The following SSBP3 variants were observed in gnomAD, a reference collection of about 807,000 sequenced individuals.
SSBP3 encodes the protein single stranded DNA binding protein 3, also known as single-stranded DNA-binding protein 3.
A neutral mutation model predicts 69.6 loss-of-function variants in SSBP3; 5 were observed. The ratio of observed to expected loss-of-function variants is 0.07; its 90% confidence interval spans 0.04 to 0.15. SSBP3 has a LOEUF of 0.15. SSBP3 is among the 10% of genes least tolerant of loss of function. SSBP3 has a pLI of 1.00. For missense variants in SSBP3, 312 were observed against 534.0 expected, an observed-to-expected ratio of 0.58 and a Z score of 4.10; for synonymous variants, 196 against 193.4, an observed-to-expected ratio of 1.01 and a Z score of -0.11.
chr1:54,382,613 C>T (rs889405249), intron 4 of SSBP3, among the ~76,000 whole-genome samples: 1 of 152,128 alleles, frequency 6.6e-6, no homozygotes, highest in African/African-American at 2.4e-5. Flanking sequence ...ACTATTAGGA[C>T]AATTTTAGCA....
intron 10 of SSBP3, 145 bp from the exon 11 acceptor site, chr1:54,242,357 G>T: frequency 1.3e-6 from 1 of 765,972 alleles, no homozygotes. Context: ...TCTGGCTCAG[G>T]GCAGTAATGG....
chr1:54,316,935 T>TAA (rs1159582673), intron 4 of SSBP3, among the ~76,000 whole-genome samples: 2 of 152,092 alleles, frequency 1.3e-5, no homozygotes, highest in Non-Finnish European at 2.9e-5. Context: ...CCCTTCAGCC[T>TAA]CTTTTAGGAG....
intron 4 of SSBP3, among the ~76,000 whole-genome samples, chr1:54,357,608 C>T (rs2100614413): frequency 6.6e-6 from 1 of 152,340 alleles, no homozygotes; most frequent in African/African-American, 2.4e-5. Flanking sequence ...GAATTAAAGT[C>T]CTAATGTCCT....
At chr1:54,252,760 G>A (rs1167678217) in intron 7 of SSBP3, among the ~76,000 whole-genome samples, 1 of 152,280 alleles carries the variant, frequency 6.6e-6, no homozygotes, top group Non-Finnish European at 1.5e-5. Flanking sequence ...AAGAGAGTAG[G>A]AGTTGCTGGG....
At chr1:54,400,351 G>C (rs1285317637) in intron 4 of SSBP3, among the ~76,000 whole-genome samples, 1 of 148,868 alleles carries the variant, frequency 6.7e-6, no homozygotes, top group Admixed American at 6.7e-5. Flanking sequence ...AACAGTGTTG[G>C]CTGTTCACAG....
intron 4 of SSBP3, among the ~76,000 whole-genome samples, chr1:54,345,406 C>A (rs1646673237): frequency 6.6e-6 from 1 of 152,084 alleles, no homozygotes; most frequent in Non-Finnish European, 1.5e-5. Flanking sequence ...CCCTCCCATC[C>A]AGGGAAAAGA....
intron 4 of SSBP3, among the ~76,000 whole-genome samples, chr1:54,352,982 A>T (rs1646805378): frequency 6.6e-6 from 1 of 152,204 alleles, no homozygotes; most frequent in Non-Finnish European, 1.5e-5. Context: ...GGCAAACCCG[A>T]GAACTGCAGG....
intron 4 of SSBP3, among the ~76,000 whole-genome samples, chr1:54,381,668 G>C (rs889686631): frequency 1.3e-5 from 2 of 152,102 alleles, no homozygotes; most frequent in Non-Finnish European, 2.9e-5. Flanking sequence ...ACCCACGCTG[G>C]GACCACAAAG....
chr1:54,337,727 C>T (rs1399206500), intron 4 of SSBP3, among the ~76,000 whole-genome samples: 1 of 151,948 alleles, frequency 6.6e-6, no homozygotes, highest in Non-Finnish European at 1.5e-5. Flanking sequence ...AACTCCTGAC[C>T]TCAGGTGATC....
chr1:54,278,318 T>A (rs905125458), intron 5 of SSBP3, among the ~76,000 whole-genome samples: 1 of 148,144 alleles, frequency 6.8e-6, no homozygotes, highest in Admixed American at 7.0e-5. Flanking sequence ...GGGATGCCAA[T>A]ATTAGGGCTT....
chr1:54,370,683 A>G (rs938410863), intron 4 of SSBP3, among the ~76,000 whole-genome samples: 10 of 152,070 alleles, frequency 6.6e-5, no homozygotes, highest in Non-Finnish European at 2.9e-5. Flanking sequence ...CATACAGGAG[A>G]TTGTTCTACA....
intron 4 of SSBP3, among the ~76,000 whole-genome samples, chr1:54,294,335 A>G (rs936040374): frequency 1.3e-5 from 2 of 151,880 alleles, no homozygotes; most frequent in Admixed American, 1.3e-4. Flanking sequence ...AAATAACAAC[A>G]AACAAAACAC....
chr1:54,240,047 G>GGTGTGTGTGTGTGT (rs71066910), intron 13 of SSBP3, among the ~76,000 whole-genome samples: 325 of 77,614 alleles, frequency 4.2e-3, no homozygotes, highest in Admixed American at 7.7e-3. Context: ...ATTGTGATGG[G>GGTGTGTGTGTGTGT]GTGTGTGTGT....
chr1:54,317,066 T>C (rs1420301174), intron 4 of SSBP3, among the ~76,000 whole-genome samples: 1 of 152,110 alleles, frequency 6.6e-6, no homozygotes, highest in Non-Finnish European at 1.5e-5. Context: ...TTGGGGAGAC[T>C]CAGTATTCAG....
intron 4 of SSBP3, among the ~76,000 whole-genome samples, chr1:54,303,949 A>G (rs1645849750): frequency 6.6e-6 from 1 of 152,206 alleles, no homozygotes; most frequent in Non-Finnish European, 1.5e-5. Flanking sequence ...GGCCCTCAGT[A>G]CATTTCTACC....
chr1:54,288,136 G>A (rs761473963), intron 4 of SSBP3, among the ~76,000 whole-genome samples: 5 of 152,138 alleles, frequency 3.3e-5, no homozygotes, highest in Non-Finnish European at 7.3e-5. Context: ...GCTCCCAGCG[G>A]AGACATGGCA....
intron 4 of SSBP3, among the ~76,000 whole-genome samples, chr1:54,312,030 C>T (rs1015741609): frequency 6.6e-6 from 1 of 152,198 alleles, no homozygotes; most frequent in Non-Finnish European, 1.5e-5. Flanking sequence ...CAGCACATAG[C>T]ACCAGCTCTG....
At chr1:54,260,576 T>TAGAA (rs1645000683) in intron 5 of SSBP3, among the ~76,000 whole-genome samples, 2 of 152,250 alleles carry the variant, frequency 1.3e-5, no homozygotes, top group African/African-American at 4.8e-5. Context: ...GTGCCTCCTC[T>TAGAA]GCGCCTCCCT....
chr1:54,289,180 G>T (rs188037020), intron 4 of SSBP3, among the ~76,000 whole-genome samples: 6 of 152,102 alleles, frequency 3.9e-5, no homozygotes, highest in Admixed American at 3.9e-4. Flanking sequence ...TCCCGTGTTT[G>T]AGACTGTCTA....
Sources: allele counts gnomAD v4.1 joint callset (sites outside exome capture counted in the v4.1 genomes callset), GRCh38; gene constraint gnomAD v4.1.1; transcripts MANE v1.5; gene names NCBI Gene and HGNC (gene_info 2026-07-23, HGNC 2026-07-21).